The following ART3 variants were observed in gnomAD, a reference collection of about 807,000 sequenced individuals.
ART3 encodes ADP-ribosyltransferase 3 (inactive).
In ART3, 49 loss-of-function variants were observed where a neutral mutation model predicts 48.5. The ratio of observed to expected loss-of-function variants is 1.01; its 90% CI spans 0.80 to 1.28. The LOEUF (loss-of-function observed/expected upper bound fraction) is 1.28, where lower values mean the gene tolerates loss of function less well. Among genes scored for constraint, ART3 ranks in the 50% most tolerant of loss-of-function variants. The probability of loss-of-function intolerance (pLI) is 0.00; values close to 1 mark genes in which losing one functional copy is unlikely to be tolerated. For synonymous variants in ART3, 145 were observed against 157.2 expected (o/e 0.92, Z 0.58); for missense variants, 438 against 454.3 (o/e 0.96, Z 0.33).
intron 1 of ART3, among the ~76,000 whole-genome samples, chr4:76,064,318 A>T (rs1378916628): frequency 1.3e-5 from 2 of 152,230 alleles, no homozygotes; most frequent in Non-Finnish European, 2.9e-5. Flanking sequence ...AAAAATAAAA[A>T]ATTTTAGTGA....
intron 3 of ART3, among the ~76,000 whole-genome samples, chr4:76,096,010 C>T (rs1725932485): frequency 6.6e-6 from 1 of 152,038 alleles, no homozygotes; most frequent in Non-Finnish European, 1.5e-5. Context: ...GCAAACTCTG[C>T]CTCCCATGTT....
At chr4:76,092,398 A>G (rs1042455770) in intron 3 of ART3, among the ~76,000 whole-genome samples, 7 of 152,146 alleles carry the variant, frequency 4.6e-5, no homozygotes, top group East Asian at 1.9e-4. Flanking sequence ...TTCACTGGGT[A>G]TAGAATTCTA....
chr4:76,059,851 C>G (rs573245143), intron 1 of ART3, among the ~76,000 whole-genome samples: 34 of 152,274 alleles, frequency 2.2e-4, no homozygotes, highest in African/African-American at 7.5e-4. Context: ...ATGAAGAATA[C>G]AGAATAAACC....
At chr4:76,025,973 T>C (rs1733343854) in intron 1 of ART3, among the ~76,000 whole-genome samples, 1 of 152,170 alleles carries the variant, frequency 6.6e-6, no homozygotes, top group Non-Finnish European at 1.5e-5. Context: ...GTCACTCTTC[T>C]GCTTAAGACC....
At chr4:76,046,993 A>G (rs1356972106) in intron 1 of ART3, among the ~76,000 whole-genome samples, 1 of 151,876 alleles carries the variant, frequency 6.6e-6, no homozygotes, top group Non-Finnish European at 1.5e-5. Flanking sequence ...GGGTGATGAC[A>G]TGAGCTGGCA....
chr4:76,093,551 C>A (rs1725380072), intron 3 of ART3, among the ~76,000 whole-genome samples: 1 of 152,198 alleles, frequency 6.6e-6, no homozygotes, highest in African/African-American at 2.4e-5. Context: ...TTGAGCTCAC[C>A]TGGAAAATCC....
Position 76,100,833 on chromosome 4 carries a change from T to A in ART3, c.907+9T>A. 1 of 1,607,034 alleles carries A rather than the reference T, an allele frequency of 6.2e-7. No individual in the cohort carries two copies. Among genetic ancestry groups the A allele is most frequent in the South Asian group, 1.1e-5 (1 of 89,970 alleles). On this transcript the variant is annotated intron_variant, in intron 7 of 11. Transcript: ENST00000355810. ...GAAGCTTGAAGACCATGGTAAGACA[T>A]TTTTTATAAATTCTGGGGGCTTACA...
intron 1 of ART3, among the ~76,000 whole-genome samples, chr4:76,047,425 G>A (rs540510724): frequency 5.3e-4 from 80 of 152,010 alleles, no homozygotes; most frequent in Non-Finnish European, 3.4e-4. Flanking sequence ...TGATATCTGC[G>A]GCTGATTGGG....
intron 1 of ART3, chr4:76,022,698 C>G (rs1481961916): frequency 1.9e-6 from 3 of 1,613,682 alleles, no homozygotes; most frequent in Non-Finnish European, 2.5e-6. Context: ...CACATGATCT[C>G]AACACGTGGA....
At chr4:76,056,595 G>A (rs1407282603) in intron 1 of ART3, among the ~76,000 whole-genome samples, 5 of 152,138 alleles carry the variant, frequency 3.3e-5, no homozygotes, top group African/African-American at 4.8e-5. Flanking sequence ...AGGATGGGTT[G>A]GGGGTGGACA....
chr4:76,068,436 C>G (rs1027820828), intron 1 of ART3, among the ~76,000 whole-genome samples: 1 of 152,116 alleles, frequency 6.6e-6, no homozygotes, highest in African/African-American at 2.4e-5. Flanking sequence ...CCATGTAATA[C>G]TATGCAGCCA....
chr4:76,068,422 T>C (rs1323772606), intron 1 of ART3, among the ~76,000 whole-genome samples: 1 of 152,196 alleles, frequency 6.6e-6, no homozygotes, highest in Non-Finnish European at 1.5e-5. Context: ...GTGGTACATA[T>C]ATACCATGTA....
chr4:76,090,942 A>G (rs909640932), intron 3 of ART3, among the ~76,000 whole-genome samples: 2 of 152,048 alleles, frequency 1.3e-5, no homozygotes, highest in Admixed American at 6.5e-5. Context: ...GCATCTACTA[A>G]TGTACTTGCT....
rs764482738 is a variant in ART3, at chr4:76,022,374, G to T, written c.-10+11054G>T. The T allele has an allele frequency of 5.0e-6, 8 of 1,613,176 alleles. No homozygotes were observed. In the Admixed American group the frequency reaches 1.3e-4, roughly 27 times the overall value. On this transcript the variant is annotated intron_variant, in intron 1 of 9. Coordinates refer to the ART3 transcript ENST00000341029. The stretch of plus-strand genomic sequence containing the variant: ...GGCAACAGCAAACCTACCTTTCCTT[G>T]CTAACTGCTTTCAGTAAATTCTTGA...
chr4:76,065,245 G>A (rs1343473931), intron 1 of ART3, among the ~76,000 whole-genome samples: 1 of 152,162 alleles, frequency 6.6e-6, no homozygotes, highest in Non-Finnish European at 1.5e-5. Context: ...AGCTCACTGA[G>A]TGCTTTTGTA....
At chr4:76,053,574 C>T (rs6857372) in intron 1 of ART3, among the ~76,000 whole-genome samples, 89,160 of 151,976 alleles carry the variant, frequency 0.59, 26,994 homozygotes, top group East Asian at 0.94. Flanking sequence ...AATTAACAGT[C>T]GTCAAAGAAA....
Position 76,082,372 on chromosome 4 carries a change from C to G in ART3, c.618C>G (p.Cys206Trp), listed in dbSNP as rs139877647. The G allele has an allele frequency of 2.5e-6, 4 of 1,614,152 alleles. No individual in the cohort carries two copies. The highest frequency in any genetic ancestry group is 4.5e-5 in the East Asian group (2 of 44,888). Residue 206 changes from cysteine to tryptophan, a missense_variant, in exon 3 of 12, where the codon TGC (cysteine) becomes TGG (tryptophan). Around this residue, in one of 3 missense-constraint regions of ART3, gnomAD observed 227 missense variants for 229.6 expected, o/e 0.99. Coordinates refer to ENST00000355810, the MANE Select transcript of ART3 (RefSeq NM_001130016.3). The part of the protein sequence containing the change: ...DQLTVLSIYT[C>W]LGVDIENFLD... ...TCACTGTGTTATCCATCTACACATG[C>G]CTTGGAGTTGACATTGAAAATTTTC...
intron 1 of ART3, among the ~76,000 whole-genome samples, chr4:76,039,587 A>G (rs960920014): frequency 1.3e-5 from 2 of 152,374 alleles, no homozygotes; most frequent in South Asian, 2.1e-4. Context: ...TAAAAATAGC[A>G]TACTAATCAT....
chr4:76,059,564 G>A (rs1378538834), intron 1 of ART3, among the ~76,000 whole-genome samples: 1 of 151,876 alleles, frequency 6.6e-6, no homozygotes, highest in African/African-American at 2.4e-5. Context: ...CTGTAATTAA[G>A]TGGCTTTTTT....
Sources: gnomAD v4.1 joint callset for allele counts (sites outside exome capture counted in the v4.1 genomes callset) on GRCh38, gnomAD v4.1.1 for gene constraint, gnomAD v4.1.1 regional missense constraint, MANE v1.5 for transcripts, NCBI Gene and HGNC (gene_info 2026-07-23, HGNC 2026-07-21) for gene names.